The following CCDC30 variants were observed in gnomAD, a reference collection of about 807,000 sequenced individuals.
The protein encoded by CCDC30 is coiled-coil domain-containing protein 30.
In CCDC30, 70 loss-of-function variants were observed where a neutral mutation model predicts 100.2. The ratio of observed to expected loss-of-function variants is 0.70; its 90% CI spans 0.58 to 0.85. The LOEUF (loss-of-function observed/expected upper bound fraction) is 0.85, where lower values mean the gene tolerates loss of function less well. Ranked by LOEUF, CCDC30 falls within the 40% of genes least tolerant of loss-of-function variation. The pLI is 0.00. For synonymous variants in CCDC30, 233 were observed against 269.5 expected (o/e 0.86, Z 1.33); for missense variants, 652 against 771.2 (o/e 0.85, Z 1.83).
At chr1:42,524,974 A>G (rs1191566053) in intron 6 of CCDC30, among the ~76,000 whole-genome samples, 1 of 152,210 alleles carries the variant, frequency 6.6e-6, no homozygotes, top group Admixed American at 6.5e-5. Context: ...TCTTTTAACA[A>G]TACTTTATAG....
At chr1:42,646,104 T>C in intron 14 of CCDC30, 31 bp from the exon 19 acceptor site, 1 of 1,538,522 alleles carries the variant, frequency 6.5e-7, no homozygotes, top group Non-Finnish European at 8.7e-7. Context: ...CCTATTGAAA[T>C]AAATAACTCC....
At chr1:42,547,619 A>C (rs1208191923) in intron 6 of CCDC30, among the ~76,000 whole-genome samples, 1 of 152,174 alleles carries the variant, frequency 6.6e-6, no homozygotes, top group East Asian at 1.9e-4. Context: ...ACCTGTTTCC[A>C]GGACTTGGTC....
At chr1:42,577,892 G>A (rs547647896) in intron 8 of CCDC30, among the ~76,000 whole-genome samples, 3 of 151,954 alleles carry the variant, frequency 2.0e-5, no homozygotes, top group East Asian at 1.9e-4. Context: ...CACCCGCCTC[G>A]GCCTCCCAAA....
At chr1:42,638,953 C>A (rs1647221172) in intron 12 of CCDC30, among the ~76,000 whole-genome samples, 1 of 152,024 alleles carries the variant, frequency 6.6e-6, no homozygotes, top group Non-Finnish European at 1.5e-5. Flanking sequence ...ATGGGTCCAT[C>A]AGACATATCA....
At chr1:42,579,697 GAGGA>G (rs890307337) in intron 8 of CCDC30, among the ~76,000 whole-genome samples, 1 of 150,172 alleles carries the variant, frequency 6.7e-6, no homozygotes, top group Admixed American at 6.6e-5. Flanking sequence ...GGGAGGAAGG[GAGGA>G]AGGAAGGAAG....
chr1:42,477,702 T>C (rs149827576), intron 1 of CCDC30, among the ~76,000 whole-genome samples: 174 of 152,342 alleles, frequency 1.1e-3, no homozygotes, highest in South Asian at 2.9e-3. Flanking sequence ...GCAATAAATC[T>C]GTAAACTGTG....
intron 10 of CCDC30, among the ~76,000 whole-genome samples, chr1:42,599,260 A>G (rs1027509732): frequency 6.6e-6 from 1 of 152,188 alleles, no homozygotes; most frequent in Non-Finnish European, 1.5e-5. Flanking sequence ...CAGCAATGAT[A>G]TAAGGGACAA....
At chr1:42,576,272 A>G (rs72660001) in intron 7 of CCDC30, among the ~76,000 whole-genome samples, 19,595 of 152,268 alleles carry the variant, frequency 0.13, 1,454 homozygotes, top group East Asian at 0.17. Context: ...GGCAAAAAAA[A>G]TGACACAAAT....
chr1:42,500,258 G>A, intron 6 of CCDC30: 2 of 1,610,114 alleles, frequency 1.2e-6, no homozygotes, highest in Non-Finnish European at 1.7e-6. Context: ...GAAGGCAGTG[G>A]ATTTTTCTCT....
At chr1:42,538,247 T>C (rs1644945878) in intron 6 of CCDC30, among the ~76,000 whole-genome samples, 1 of 150,960 alleles carries the variant, frequency 6.6e-6, no homozygotes, top group Non-Finnish European at 1.5e-5. Context: ...GGAGGATCAC[T>C]TGAGCCCAGG....
chr1:42,538,586 A>G (rs570584232), intron 6 of CCDC30, among the ~76,000 whole-genome samples: 1 of 152,298 alleles, frequency 6.6e-6, no homozygotes, highest in Non-Finnish European at 1.5e-5. Context: ...AGCCTGGGCA[A>G]CATAGCGAGA....
chr1:42,653,972 G>C (rs776774303), exon 17 of CCDC30: 12 of 1,613,950 alleles, frequency 7.4e-6, no homozygotes, highest in Non-Finnish European at 9.3e-6. Context: ...CATAAATGTG[G>C]CTTCTCTGAA....
chr1:42,544,091 C>T (rs894093142), intron 6 of CCDC30, among the ~76,000 whole-genome samples: 4 of 152,078 alleles, frequency 2.6e-5, no homozygotes, highest in Non-Finnish European at 5.9e-5. Flanking sequence ...CGGGGTCTTG[C>T]TATGTTGCTT....
At chr1:42,551,742 GGT>G (rs34048456) in intron 6 of CCDC30, among the ~76,000 whole-genome samples, 2,541 of 144,410 alleles carry the variant, frequency 0.018, 51 homozygotes, top group African/African-American at 0.049. Context: ...GATAAATTCT[GGT>G]GTGTGTGTGT....
At chr1:42,485,420 A>G (rs930124746) in intron 3 of CCDC30, among the ~76,000 whole-genome samples, 6 of 152,208 alleles carry the variant, frequency 3.9e-5, no homozygotes, top group Non-Finnish European at 7.3e-5. Context: ...TTTGCAAATC[A>G]TGTGTTTGAT....
intron 6 of CCDC30, among the ~76,000 whole-genome samples, chr1:42,520,268 CTG>C (rs1644617292): frequency 1.1e-5 from 1 of 93,246 alleles, no homozygotes; most frequent in Non-Finnish European, 3.1e-5. Flanking sequence ...TTTGCTTTTT[CTG>C]TATCTGTAAG....
chr1:42,632,338 A>T (rs1557475273), intron 11 of CCDC30, among the ~76,000 whole-genome samples: 1 of 152,108 alleles, frequency 6.6e-6, no homozygotes, highest in East Asian at 1.9e-4. Flanking sequence ...GTGGTGGTAC[A>T]CACTTGTAAT....
chr1:42,519,993 T>C (rs1413719685), intron 6 of CCDC30, among the ~76,000 whole-genome samples: 1 of 152,188 alleles, frequency 6.6e-6, no homozygotes, highest in Non-Finnish European at 1.5e-5. Context: ...AATTTGAGTC[T>C]TCTCTCTTTT....
intron 6 of CCDC30, among the ~76,000 whole-genome samples, chr1:42,517,609 A>G (rs1422010315): frequency 1.3e-5 from 2 of 150,280 alleles, no homozygotes; most frequent in Non-Finnish European, 3.0e-5. Flanking sequence ...AGTGTAAGGT[A>G]AGTGTCTAAC....
Sources: gnomAD v4.1 joint callset for allele counts (sites outside exome capture counted in the v4.1 genomes callset) on GRCh38, gnomAD v4.1.1 for gene constraint, MANE v1.5 for transcripts, NCBI Gene and HGNC (gene_info 2026-07-23, HGNC 2026-07-21) for gene names.